The following EIF3D variants were observed in gnomAD, a reference collection of about 807,000 sequenced individuals.
EIF3D encodes eukaryotic translation initiation factor 3 subunit D.
Under a neutral mutation model 75.4 loss-of-function variants are expected in EIF3D, and 10 were observed. The ratio of observed to expected loss-of-function variants is 0.13; its 90% confidence interval spans 0.08 to 0.22. EIF3D has a LOEUF of 0.22. Among genes scored for constraint, EIF3D ranks in the 10% least tolerant of loss-of-function variants. EIF3D has a pLI of 1.00. For synonymous variants in EIF3D, 246 were observed against 248.3 expected, an observed-to-expected ratio of 0.99 and a Z score of 0.09; for missense variants, 394 against 708.0, an observed-to-expected ratio of 0.56 and a Z score of 5.03.
intron 6 of EIF3D, among the ~76,000 whole-genome samples, chr22:36,522,393 C>T (rs189790705): frequency 2.0e-5 from 3 of 152,168 alleles, no homozygotes; most frequent in Admixed American, 1.3e-4. Flanking sequence ...TCTTGGGATG[C>T]AAACCCCGAG....
At chr22:36,511,827 A>T (rs983344684) in intron 13 of EIF3D, 41 bp from the exon 14 acceptor site, 1 of 1,592,674 alleles carries the variant, frequency 6.3e-7, no homozygotes, top group Non-Finnish European at 8.6e-7. Context: ...GCAGGGCAGC[A>T]CAGAGACAGC....
intron 12 of EIF3D, among the ~76,000 whole-genome samples, chr22:36,515,737 G>A (rs1189343646): frequency 2.0e-5 from 3 of 152,074 alleles, no homozygotes; most frequent in East Asian, 3.9e-4. Context: ...ACAGGGAAAC[G>A]GGTGAGACCA....
intron 14 of EIF3D, 144 bp from the exon 15 acceptor site, chr22:36,511,144 G>T: frequency 9.4e-7 from 1 of 1,062,724 alleles, no homozygotes. Context: ...CACAGGGCTG[G>T]GCAGGTATTT....
chr22:36,519,636 A>C (rs1934481598), intron 7 of EIF3D, 99 bp from the exon 8 acceptor site: 18 of 1,526,832 alleles, frequency 1.2e-5, no homozygotes, highest in Non-Finnish European at 1.5e-5. Flanking sequence ...AAAGTCTAAA[A>C]GAGGTGGAAA....
At chr22:36,511,148 G>T in intron 14 of EIF3D, 148 bp from the exon 15 acceptor site, 1 of 1,031,638 alleles carries the variant, frequency 9.7e-7, no homozygotes, top group Non-Finnish European at 1.4e-6. Context: ...GGGCTGGGCA[G>T]GTATTTCCTT....
chr22:36,524,093 C>T, intron 4 of EIF3D, 113 bp from the exon 5 acceptor site: 2 of 1,038,692 alleles, frequency 1.9e-6, no homozygotes, highest in Non-Finnish European at 1.5e-6. Flanking sequence ...CCAAGTTTCA[C>T]ATCTTACTCT....
At chr22:36,512,895 A>G (rs1281478683) in intron 12 of EIF3D, 2 of 309,296 alleles carry the variant, frequency 6.5e-6, no homozygotes, top group Non-Finnish European at 1.2e-5. Context: ...GAAGTGTCAT[A>G]TAAACAGCAG....
chr22:36,526,710 C>G (rs929727627), intron 1 of EIF3D: 1 of 152,136 alleles, frequency 6.6e-6, no homozygotes, highest in African/African-American at 2.4e-5. Flanking sequence ...TCTCCTGCCT[C>G]AGCCTCCTGA....
In EIF3D at chr22:36,520,698, A is replaced by G. The variant is rs1246883301; in HGVS notation, c.466-10T>C. On this transcript the variant is annotated splice_polypyrimidine_tract_variant and intron_variant, in intron 6 of 14. Transcript: ENST00000216190. ...AAGAGTCTCGGGGTTTCTGCAGTTGAAAACCATTAGAGGAAAAAAAAGTTA... is the reference window on the plus strand; with the variant it reads ...AAGAGTCTCGGGGTTTCTGCAGTTGGAAACCATTAGAGGAAAAAAAAGTTA... 3 of 1,596,814 alleles carry G rather than the reference A, an allele frequency of 1.9e-6. No homozygotes were observed. The highest frequency in any genetic ancestry group is 2.6e-6 in the Non-Finnish European group (3 of 1,166,700).
intron 11 of EIF3D, 46 bp from the exon 12 acceptor site, chr22:36,516,653 G>A: frequency 6.2e-7 from 1 of 1,614,066 alleles, no homozygotes; most frequent in Non-Finnish European, 8.5e-7. Flanking sequence ...ATTCTATAGA[G>A]TGGGGCCCGT....
intron 4 of EIF3D, 40 bp from the exon 5 acceptor site, chr22:36,524,020 G>A: frequency 6.2e-7 from 1 of 1,605,934 alleles, no homozygotes; most frequent in South Asian, 1.1e-5. Flanking sequence ...AAATCTTGGA[G>A]ATTTGGCTCA....
intron 6 of EIF3D, among the ~76,000 whole-genome samples, chr22:36,521,914 G>T (rs116304510): frequency 0.027 from 4,037 of 152,042 alleles, 180 homozygotes; most frequent in African/African-American, 0.092. Context: ...CTGCAGCTTG[G>T]GTGACAGAGT....
Position 36,523,041 on chromosome 22 carries a change from G to C in EIF3D, c.465+168C>G, listed in dbSNP as rs555424086. 4.1e-4 allele frequency: 251 copies of C among 611,034 alleles called. 1 individual carries two copies. The highest frequency in any genetic ancestry group is 6.5e-4 in the Non-Finnish European group (215 of 330,822). 37.9% of individuals were successfully genotyped at this position (611,034 alleles called of 1,614,324 possible). A position where few individuals can be genotyped will look rare whatever the true frequency, so the allele number is the denominator to read the frequency against. ...CTGCTAAAGGGTAAGGGATTCTTTT[G>C]AGGGTGATGAAAATGGTCTGAAATT... On this transcript the variant is annotated intron_variant, in intron 6 of 14. Transcript: ENST00000216190.
rs1430155544 is a variant in EIF3D at position 36,523,956 on chromosome 22, G to T, written c.331C>A (p.Arg111Ser). ...AQRNLRRDKD[R>S]RNMLQFNLQI... is the part of the protein sequence containing the mutation. The stretch of plus-strand genomic sequence containing the variant: ...AGGTTGAACTGCAACATGTTCCGAC[G>T]ATCTTTGTCTCTGCGGAGGTTCCTC... Residue 111 changes from arginine (R) to serine (S), a missense_variant, in exon 5 of 15, where the codon CGT (arginine) becomes AGT (serine). Coordinates refer to ENST00000216190, the MANE Select transcript of EIF3D (RefSeq NM_003753.4). 5 of 1,614,070 alleles carry T rather than the reference G, an allele frequency of 3.1e-6. No homozygotes were observed. Among genetic ancestry groups the T allele is most frequent in the Non-Finnish European group, 3.4e-6 (4 of 1,179,984 alleles).
intron 7 of EIF3D, among the ~76,000 whole-genome samples, chr22:36,520,148 C>T (rs1934489670): frequency 6.7e-6 from 1 of 150,258 alleles, no homozygotes; most frequent in Admixed American, 6.7e-5. Flanking sequence ...TCTGCTTTTC[C>T]CCTTGGTCTT....
rs1934353892 is a variant in EIF3D at position 36,512,393 on chromosome 22, G to A, written c.1349+67C>T. 9 of 1,583,512 alleles carry A rather than the reference G, an allele frequency of 5.7e-6. No homozygotes were observed. In the East Asian group the frequency reaches 2.0e-4, roughly 36 times the overall value. On this transcript the variant is annotated intron_variant, in intron 13 of 14. Transcript: ENST00000216190. ...TTGTCCAGTACACGGGGAGGGGAGG[G>A]TCAACCTCCCTACCCAGACCCTTCC...
chr22:36,511,440 AG>A, intron 14 of EIF3D, 62 bp downstream of exon 14: 1 of 1,591,872 alleles, frequency 6.3e-7, no homozygotes, highest in East Asian at 2.2e-5. Flanking sequence ...CAATGGCTAC[AG>A]AGCTTGCTCC....
intron 12 of EIF3D, among the ~76,000 whole-genome samples, chr22:36,514,886 G>A (rs957145767): frequency 6.6e-6 from 1 of 152,180 alleles, no homozygotes; most frequent in African/African-American, 2.4e-5. Context: ...CATGGTGGGA[G>A]GTGACTGGAT....
chr22:36,517,290 C>T lies in EIF3D; in HGVS notation c.990+11G>A, dbSNP rs374812558. ...AAGAATGAATCAATGCCCAGAGACT[C>T]GTTTCCTCACCATTCTCAAGCACTG... On this transcript the variant is annotated intron_variant, in intron 10 of 14. Transcript: ENST00000216190. 15 of 1,613,700 alleles carry T rather than the reference C, an allele frequency of 9.3e-6. No individual in the cohort carries two copies. The highest frequency in any genetic ancestry group is 3.3e-5 in the Admixed American group (2 of 59,954).
Sources: allele counts gnomAD v4.1 joint callset (sites outside exome capture counted in the v4.1 genomes callset), GRCh38; gene constraint gnomAD v4.1.1; transcripts MANE v1.5; gene names NCBI Gene and HGNC (gene_info 2026-07-23, HGNC 2026-07-21).